The following IMMP2L variants were observed in gnomAD, a reference collection of about 807,000 sequenced individuals.
The protein encoded by IMMP2L is mitochondrial inner membrane protease subunit 2.
A neutral mutation model predicts 19.3 loss-of-function variants in IMMP2L; 18 were observed. The ratio of observed to expected loss-of-function variants is 0.93; its 90% CI spans 0.64 to 1.38. The LOEUF is 1.38. Ranked by LOEUF, IMMP2L falls within the 40% of genes most tolerant of loss-of-function variation. The pLI is 0.00. For missense variants in IMMP2L, 233 were observed against 218.2 expected (o/e 1.07, Z -0.43); for synonymous variants, 76 against 73.0 (o/e 1.04, Z -0.21).
intron 3 of IMMP2L, among the ~76,000 whole-genome samples, chr7:111,113,713 G>A (rs1173571193): frequency 2.6e-5 from 4 of 152,078 alleles, no homozygotes; most frequent in Admixed American, 2.0e-4. Context: ...GTCTACATGA[G>A]ACACACATTT....
intron 3 of IMMP2L, among the ~76,000 whole-genome samples, chr7:111,229,438 A>G (rs1476075263): frequency 6.6e-6 from 1 of 152,032 alleles, no homozygotes; most frequent in East Asian, 1.9e-4. Context: ...TGATCAAGGT[A>G]ATTGCTTTTC....
chr7:111,038,140 A>T (rs2075925964), intron 3 of IMMP2L, among the ~76,000 whole-genome samples: 1 of 152,316 alleles, frequency 6.6e-6, no homozygotes, highest in South Asian at 2.1e-4. Context: ...ACAGCAGCAT[A>T]TCCTAACTTA....
intron 3 of IMMP2L, among the ~76,000 whole-genome samples, chr7:111,417,018 T>C (rs189871882): frequency 6.6e-6 from 1 of 151,872 alleles, no homozygotes; most frequent in African/African-American, 2.4e-5. Context: ...AAATTAAAGA[T>C]TCACTTTCTT....
chr7:110,735,671 A>ATATAT (rs3051065), intron 5 of IMMP2L, among the ~76,000 whole-genome samples: 7 of 109,506 alleles, frequency 6.4e-5, no homozygotes, highest in Non-Finnish European at 1.3e-4. Flanking sequence ...ATATATATAT[A>ATATAT]GTAGACAAAT....
chr7:111,381,977 T>C (rs1584884171), intron 3 of IMMP2L, among the ~76,000 whole-genome samples: 1 of 151,912 alleles, frequency 6.6e-6, no homozygotes, highest in African/African-American at 2.4e-5. Context: ...ATGAAGTGTG[T>C]GTAGGTTATT....
intron 2 of IMMP2L, among the ~76,000 whole-genome samples, chr7:111,496,590 T>G (rs963483307): frequency 1.3e-5 from 2 of 152,164 alleles, no homozygotes; most frequent in Admixed American, 1.3e-4. Flanking sequence ...GTAAATATTT[T>G]CATATTCTCT....
intron 5 of IMMP2L, among the ~76,000 whole-genome samples, chr7:110,713,221 G>C (rs1191964822): frequency 6.6e-6 from 1 of 152,110 alleles, no homozygotes; most frequent in Non-Finnish European, 1.5e-5. Flanking sequence ...ATGGCTGTAG[G>C]TATACAGTTT....
chr7:111,254,787 T>C (rs530595251), intron 3 of IMMP2L, among the ~76,000 whole-genome samples: 12 of 152,172 alleles, frequency 7.9e-5, no homozygotes, highest in African/African-American at 2.9e-4. Context: ...AACACAAGTT[T>C]TGTATCCCTC....
chr7:111,195,139 G>A (rs1022361437), intron 3 of IMMP2L, among the ~76,000 whole-genome samples: 13 of 152,014 alleles, frequency 8.6e-5, no homozygotes. Context: ...GGAAGTAATA[G>A]ATTTTTGGCT....
chr7:110,680,098 T>C (rs953890323), intron 5 of IMMP2L, among the ~76,000 whole-genome samples: 11 of 152,208 alleles, frequency 7.2e-5, no homozygotes, highest in Admixed American at 2.6e-4. Context: ...ATTTGGTGAA[T>C]ATTATTTTGC....
chr7:110,720,666 C>A (rs1252244664), intron 5 of IMMP2L, among the ~76,000 whole-genome samples: 2 of 152,074 alleles, frequency 1.3e-5, no homozygotes, highest in African/African-American at 2.4e-5. Context: ...CTGGCTGGGG[C>A]CCTTCTGTTC....
chr7:111,038,456 C>A (rs947672821), intron 3 of IMMP2L, among the ~76,000 whole-genome samples: 3 of 152,070 alleles, frequency 2.0e-5, no homozygotes, highest in Non-Finnish European at 2.9e-5. Context: ...CCTGCTAAAG[C>A]CAACTAGGTT....
intron 3 of IMMP2L, among the ~76,000 whole-genome samples, chr7:111,392,386 A>G (rs1832446604): frequency 6.6e-6 from 1 of 152,116 alleles, no homozygotes; most frequent in African/African-American, 2.4e-5. Flanking sequence ...TGATGTGACT[A>G]CTTTTTTATT....
At chr7:111,505,233 T>C (rs901407770) in intron 2 of IMMP2L, among the ~76,000 whole-genome samples, 11 of 150,976 alleles carry the variant, frequency 7.3e-5, no homozygotes, top group Non-Finnish European at 1.6e-4. Context: ...ATGCTCATCA[T>C]CACTGGCCAT....
chr7:110,807,902 A>G (rs1801740087), intron 5 of IMMP2L, among the ~76,000 whole-genome samples: 1 of 152,044 alleles, frequency 6.6e-6, no homozygotes, highest in South Asian at 2.1e-4. Flanking sequence ...CTAGTTGATG[A>G]CAGAAATTGG....
intron 5 of IMMP2L, among the ~76,000 whole-genome samples, chr7:110,805,903 A>T (rs1213624411): frequency 6.6e-6 from 1 of 151,990 alleles, no homozygotes; most frequent in Non-Finnish European, 1.5e-5. Flanking sequence ...CAATTTATAC[A>T]AGGTAGAAAA....
At chr7:111,217,269 G>A (rs955840705) in intron 3 of IMMP2L, among the ~76,000 whole-genome samples, 2 of 151,880 alleles carry the variant, frequency 1.3e-5, no homozygotes, top group African/African-American at 4.8e-5. Context: ...TTAGAATGGT[G>A]GCCAGGAGCC....
intron 3 of IMMP2L, among the ~76,000 whole-genome samples, chr7:111,142,094 G>A (rs1386893900): frequency 6.6e-6 from 1 of 152,114 alleles, no homozygotes; most frequent in Non-Finnish European, 1.5e-5. Context: ...AGGAGGCCAA[G>A]GTAGGCAGAT....
intron 5 of IMMP2L, among the ~76,000 whole-genome samples, chr7:110,743,052 C>T (rs758678074): frequency 6.6e-6 from 1 of 152,198 alleles, no homozygotes; most frequent in East Asian, 1.9e-4. Flanking sequence ...TTTCCTAGCA[C>T]AAATACATGT....
Sources: allele counts gnomAD v4.1 joint callset (sites outside exome capture counted in the v4.1 genomes callset), GRCh38; gene constraint gnomAD v4.1.1; transcripts MANE v1.5; gene names NCBI Gene and HGNC (gene_info 2026-07-23, HGNC 2026-07-21).